LAMA2: variants seen among roughly 807,000 people sequenced by gnomAD.
LAMA2 encodes the protein laminin subunit alpha 2.
Under a neutral mutation model 364.8 loss-of-function variants are expected in LAMA2, and 269 were observed. That is an observed-to-expected ratio of 0.74 (90% confidence interval 0.67 to 0.82). The LOEUF (loss-of-function observed/expected upper bound fraction) is 0.82, where lower values mean the gene tolerates loss of function less well. Ranked by LOEUF, LAMA2 falls within the 40% of genes least tolerant of loss-of-function variation. LAMA2 has a pLI of 0.00. For missense variants in LAMA2, 3,807 were observed against 3,873.2 expected (o/e 0.98, Z 0.45); for synonymous variants, 1,379 against 1,370.6 (o/e 1.01, Z -0.14).
intron 54 of LAMA2, among the ~76,000 whole-genome samples, chr6:129,480,709 T>G (rs761768609): frequency 6.6e-6 from 1 of 152,180 alleles, no homozygotes; most frequent in Non-Finnish European, 1.5e-5. Context: ...AGGACAATGG[T>G]ATTACTTTAA....
intron 4 of LAMA2, among the ~76,000 whole-genome samples, chr6:129,141,490 A>G (rs186440837): frequency 5.3e-5 from 8 of 152,182 alleles, no homozygotes; most frequent in Admixed American, 5.2e-4. Context: ...AATTAGGTGG[A>G]ACATATTCAT....
At position 129,177,785 on chromosome 6, in the gene LAMA2, C is replaced by T. The variant is rs1370393912; in HGVS notation, c.1386C>T (p.Gly462=). The change falls in exon 10 of 65, where the codon GGC becomes GGT. Residue 462 remains glycine (G), a synonymous_variant. Coordinates refer to ENST00000421865, the MANE Select transcript of LAMA2 (RefSeq NM_000426.4). The part of the protein sequence containing the change: ...SCDRCARGYT[G]YPDCKACNCS... ...ATCGGTGTGCCAGGGGCTACACTGG[C>T]TACCCGGACTGCAAAGCCTGTAACT... 1 of 1,613,992 alleles carries T rather than the reference C, an allele frequency of 6.2e-7. No individual in the cohort carries two copies. The highest frequency in any genetic ancestry group is 8.5e-7 in the Non-Finnish European group (1 of 1,179,944).
rs139863716 is a variant in LAMA2 at position 128,884,173 on chromosome 6, A to G, written c.112+816A>G. Among the ~76,000 whole-genome samples, 347 of 152,262 alleles carry G rather than the reference A, an allele frequency of 2.3e-3. 2 individuals carry two copies. The highest frequency in any genetic ancestry group is 7.6e-3 in the African/African-American group (316 of 41,566). ...TAGTGTTTATGTATATATAGCTCTCATTTCTGAAACTTTGGGGAGTCTTTG... is the reference window on the plus strand; with the variant it reads ...TAGTGTTTATGTATATATAGCTCTCGTTTCTGAAACTTTGGGGAGTCTTTG... On this transcript the variant is annotated intron_variant, in intron 1 of 64. Coordinates refer to ENST00000421865, the MANE Select transcript of LAMA2 (RefSeq NM_000426.4).
intron 14 of LAMA2, among the ~76,000 whole-genome samples, chr6:129,255,164 T>G (rs1387346384): frequency 6.6e-6 from 1 of 151,508 alleles, no homozygotes; most frequent in African/African-American, 2.4e-5. Context: ...TCCCAGCAAT[T>G]TGGGAGGCTG....
At chr6:129,502,853 C>T (rs1785758262) in intron 59 of LAMA2, 82 bp downstream of exon 59, 5 of 939,558 alleles carry the variant, frequency 5.3e-6, no homozygotes, top group Non-Finnish European at 6.9e-6. Context: ...GAATCTACTA[C>T]ACTTATTAAT....
intron 1 of LAMA2, among the ~76,000 whole-genome samples, chr6:128,916,066 T>A (rs1482047436): frequency 6.6e-6 from 1 of 152,234 alleles, no homozygotes; most frequent in African/African-American, 2.4e-5. Context: ...GCTGATGTTC[T>A]CTATTATCTA....
At chr6:129,015,192 C>T (rs1225474882) in intron 1 of LAMA2, among the ~76,000 whole-genome samples, 2 of 152,006 alleles carry the variant, frequency 1.3e-5, no homozygotes, top group Non-Finnish European at 2.9e-5. Flanking sequence ...TTAATTATAT[C>T]GAATCTTCAG....
At chr6:128,929,383 T>A in intron 1 of LAMA2, 1 of 974,760 alleles carries the variant, frequency 1.0e-6, no homozygotes, top group Non-Finnish European at 1.7e-6. Context: ...AGTTCATCAG[T>A]CATGTGAGGA....
chr6:129,243,815 A>G (rs1314909368), intron 12 of LAMA2, among the ~76,000 whole-genome samples: 1 of 151,922 alleles, frequency 6.6e-6, no homozygotes, highest in African/African-American at 2.4e-5. Flanking sequence ...GTGAAAAGAA[A>G]TGCTATCAAA....
At chr6:129,168,535 G>T (rs1317968311) in intron 9 of LAMA2, among the ~76,000 whole-genome samples, 4 of 151,202 alleles carry the variant, frequency 2.6e-5, no homozygotes, top group East Asian at 1.9e-4. Flanking sequence ...TCTCTGTTTT[G>T]GTACCAGTAC....
chr6:129,040,335 T>C (rs1272439816), intron 1 of LAMA2, among the ~76,000 whole-genome samples: 1 of 152,180 alleles, frequency 6.6e-6, no homozygotes, highest in Non-Finnish European at 1.5e-5. Flanking sequence ...GAAAAGAAGT[T>C]ATTGGGTGAA....
intron 1 of LAMA2, among the ~76,000 whole-genome samples, chr6:128,932,465 A>G (rs149216647): frequency 1.7e-3 from 258 of 152,326 alleles, no homozygotes; most frequent in African/African-American, 6.0e-3. Flanking sequence ...TATGCTCAAG[A>G]CAAGACTTAC....
intron 7 of LAMA2, among the ~76,000 whole-genome samples, chr6:129,152,282 T>C (rs1778855524): frequency 6.6e-6 from 1 of 152,208 alleles, no homozygotes; most frequent in South Asian, 2.1e-4. Context: ...TGAATGCTTA[T>C]TATGTCCAGG....
chr6:129,161,803 C>T (rs567728586), intron 8 of LAMA2, among the ~76,000 whole-genome samples: 4 of 152,260 alleles, frequency 2.6e-5, no homozygotes, highest in African/African-American at 4.8e-5. Flanking sequence ...GCCTTCTGCT[C>T]CATCCATGTT....
intron 14 of LAMA2, among the ~76,000 whole-genome samples, chr6:129,253,789 C>T (rs766352358): frequency 2.3e-4 from 35 of 152,148 alleles, no homozygotes; most frequent in Admixed American, 1.4e-3. Flanking sequence ...AGTGTCTACC[C>T]GTCTTAAAAT....
chr6:128,987,138 T>G (rs1280149567), intron 1 of LAMA2, among the ~76,000 whole-genome samples: 1 of 33,816 alleles, frequency 3.0e-5, no homozygotes. Flanking sequence ...TTTTTTTTTT[T>G]TGTTTTTTTT....
chr6:129,478,529 C>G (rs1231281987), intron 53 of LAMA2, among the ~76,000 whole-genome samples, 164 bp from the exon 54 acceptor site: 2 of 152,122 alleles, frequency 1.3e-5, no homozygotes, highest in East Asian at 3.9e-4. Context: ...TTTAGACCAA[C>G]CAGTAGACAA....
At chr6:129,356,910 C>T (rs1362769480) in intron 32 of LAMA2, among the ~76,000 whole-genome samples, 1 of 152,030 alleles carries the variant, frequency 6.6e-6, no homozygotes, top group African/African-American at 2.4e-5. Context: ...GTCTTCTATG[C>T]AGAAGAAAAG....
intron 55 of LAMA2, among the ~76,000 whole-genome samples, chr6:129,484,873 G>A (rs537206797): frequency 6.6e-6 from 1 of 152,264 alleles, no homozygotes; most frequent in Non-Finnish European, 1.5e-5. Context: ...CTGAAATTTG[G>A]TGGTAGATTT....
Sources: allele counts gnomAD v4.1 joint callset (sites outside exome capture counted in the v4.1 genomes callset), GRCh38; gene constraint gnomAD v4.1.1; transcripts MANE v1.5; gene names NCBI Gene and HGNC (gene_info 2026-07-23, HGNC 2026-07-21).